The following SLC7A10 variants were observed in gnomAD, a reference collection of about 807,000 sequenced individuals.
The protein encoded by SLC7A10 is solute carrier family 7 member 10.
In SLC7A10, 30 loss-of-function variants were observed where a neutral mutation model predicts 52.7. The ratio of observed to expected loss-of-function variants is 0.57; its 90% CI spans 0.43 to 0.77. SLC7A10 has a LOEUF of 0.77. SLC7A10 is among the 30% of genes least tolerant of loss of function. The probability of loss-of-function intolerance (pLI) is 0.00; values close to 1 mark genes in which losing one functional copy is unlikely to be tolerated. For missense variants in SLC7A10, 581 were observed against 698.5 expected (o/e 0.83, Z 1.90); for synonymous variants, 318 against 314.9 (o/e 1.01, Z -0.10).
At chr19:33,211,070 G>A (rs1974538027) in intron 7 of SLC7A10, 155 bp downstream of exon 7, 1 of 962,222 alleles carries the variant, frequency 1.0e-6, no homozygotes, top group African/African-American at 1.6e-5. Flanking sequence ...CCTCCCAGTT[G>A]TGATCAGACA....
At position 33,211,311 on chromosome 19, in the gene SLC7A10, C is replaced by G. The variant is rs1176033980; in HGVS notation, c.930G>C (p.Leu310=). 2.5e-6 allele frequency: 4 copies of G among 1,613,958 alleles called. No homozygotes were observed. The Admixed American group carries it at 5.0e-5, about 20-fold the overall frequency. ...NAVAVTFGEK[L]LGYFSWVMPV... ...GCATGACCCAAGAAAAGTAGCCCAG[C>G]AGCTTCTCCCCGAAGGTCTGGGTGG... The change falls in exon 7 of 11, where the codon CTG becomes CTC. Residue 310 remains leucine, a synonymous_variant. Transcript: ENST00000253188.
Position 33,212,441 on chromosome 19 carries a change from G to T in SLC7A10, c.639C>A (p.His213Gln), listed in dbSNP as rs772165667. 10 of 1,613,942 alleles carry T rather than the reference G, an allele frequency of 6.2e-6. No homozygotes were observed. The South Asian group carries it at 1.1e-4, about 18-fold the overall frequency. ...GVGLLQIFQG[H>Q]FEELRPSNAF... ...CATTGCTGGGCCTCAGCTCCTCGAAGTGTCCTGGAGGCCCAGAAGTCGGGG... is the reference window on the plus strand; with the variant it reads ...CATTGCTGGGCCTCAGCTCCTCGAATTGTCCTGGAGGCCCAGAAGTCGGGG... The change falls in exon 5 of 11, where the codon CAC becomes CAA. Residue 213 changes from histidine (H) to glutamine (Q), a missense_variant. Coordinates refer to ENST00000253188, the MANE Select transcript of SLC7A10 (RefSeq NM_019849.3).
At position 33,210,808 on chromosome 19, in the gene SLC7A10, G is replaced by T; in HGVS notation, c.1107C>A (p.Leu369=). ...VRHCTPIPAL[L]VCCGATAVIM... ...CCCAGGTCCCCCAACTTACACAGAC[G>T]AGGAGGGCGGGGATGGGGGTGCAGT... Residue 369 remains leucine (L), a synonymous_variant, in exon 8 of 11, where the codon CTC becomes CTA. Coordinates refer to ENST00000253188, the MANE Select transcript of SLC7A10 (RefSeq NM_019849.3). This position sits in a 1 kb window ranked among gnomAD's most constrained non-coding sequence, Gnocchi z 5.6. The T allele has an allele frequency of 1.2e-6, 2 of 1,613,478 alleles. No homozygotes were observed. The highest frequency in any genetic ancestry group is 1.7e-6 in the Non-Finnish European group (2 of 1,179,992).
intron 1 of SLC7A10, chr19:33,219,789 T>C (rs8101891): frequency 0.91 from 138,851 of 152,524 alleles, 63,548 homozygotes; most frequent in Middle Eastern, 0.98. Flanking sequence ...AGGAAGCTCT[T>C]CCTGACCAGC....
At position 33,215,808 on chromosome 19, in the gene SLC7A10, T is replaced by C; in HGVS notation, c.317A>G (p.Asp106Gly). The C allele has an allele frequency of 6.3e-7, 1 of 1,575,152 alleles. No individual in the cohort carries two copies. Among genetic ancestry groups the C allele is most frequent in the Non-Finnish European group, 8.6e-7 (1 of 1,160,652 alleles). Residue 106 changes from aspartate (D) to glycine (G), a missense_variant, in exon 2 of 11, where the codon GAC becomes GGC. Physicochemically the swap from Asp to Gly is moderately conservative, Grantham distance 94. Transcript: ENST00000253188. ...LGVAIPKSGGDYAYVTEIFGG... is the reference protein window; with the variant it reads ...LGVAIPKSGGGYAYVTEIFGG... The stretch of plus-strand genomic sequence containing the variant: ...GAAGATCTCTGTGACGTAGGCGTAG[T>C]CCCCGCCAGACTTGGGGATGGCGAC...
chr19:33,220,802 C>G (rs984614270), intron 1 of SLC7A10: 10 of 152,356 alleles, frequency 6.6e-5, no homozygotes, highest in African/African-American at 2.2e-4. Flanking sequence ...GAATAAATGG[C>G]AAAACGTCCT....
At chr19:33,213,534 C>T (rs943871036) in intron 2 of SLC7A10, among the ~76,000 whole-genome samples, 2 of 152,158 alleles carry the variant, frequency 1.3e-5, no homozygotes, top group African/African-American at 2.4e-5. Context: ...GTGATCCACC[C>T]GCCTCGGCCT....
At position 33,211,554 on chromosome 19, in the gene SLC7A10, G is replaced by A. The variant is rs958150811; in HGVS notation, c.789-17C>T. 1 of 1,613,874 alleles carries A rather than the reference G, an allele frequency of 6.2e-7. No individual in the cohort carries two copies. The highest frequency in any genetic ancestry group is 1.3e-5 in the African/African-American group (1 of 74,922). ...GGTAGGTTCCTGGTGACAGGCAGTG[G>A]AGTGCGTCAGCGTCAGCTCCTGAGG... On this transcript the variant is annotated splice_polypyrimidine_tract_variant and intron_variant, in intron 5 of 10. Transcript: ENST00000253188.
At chr19:33,211,373 GGCCTGGGCAGGA>G in intron 6 of SLC7A10, 29 bp downstream of exon 6, 1 of 1,613,426 alleles carries the variant, frequency 6.2e-7, no homozygotes, top group Non-Finnish European at 8.5e-7. Context: ...CCGGGGCAGG[GGCCTGGGCAGGA>G]GCCAGGGACC....
In SLC7A10 at chr19:33,212,726, G is replaced by A. The variant is rs540217611; in HGVS notation, c.509-87C>T. 1.9e-5 allele frequency: 30 copies of A among 1,610,828 alleles called. No homozygotes were observed. The South Asian group carries it at 3.2e-4, about 17-fold the overall frequency. ...AGTCCAGCCCAGGCGGCCCGAGAATGGCATCCCCTATAGCAGCTGGAATTT... is the reference window on the plus strand; with the variant it reads ...AGTCCAGCCCAGGCGGCCCGAGAATAGCATCCCCTATAGCAGCTGGAATTT... On this transcript the variant is annotated intron_variant, in intron 3 of 10. Coordinates refer to ENST00000253188, the MANE Select transcript of SLC7A10 (RefSeq NM_019849.3).
chr19:33,211,610 G>C (rs1974556577), intron 5 of SLC7A10, 73 bp from the exon 6 acceptor site: 1 of 1,610,606 alleles, frequency 6.2e-7, no homozygotes, highest in African/African-American at 1.3e-5. Flanking sequence ...AGCCACGAGA[G>C]CAGCTCATAG....
chr19:33,210,592 G>A lies in SLC7A10; in HGVS notation c.1138C>T (p.Leu380Phe), dbSNP rs1450879428. ...ATGAGCGTGTACGTGTCGCCCACGA[G>A]CATGATGACGGCTGTGGCCCCGCAC... is the stretch of plus-strand genomic sequence containing the variant. ...VCCGATAVIM[L>F]VGDTYTLINY... Residue 380 changes from leucine to phenylalanine, a missense_variant, in exon 9 of 11, where the codon CTC becomes TTC. By Grantham distance (22) the Leu-to-Phe change is conservative (BLOSUM62 0). Transcript: ENST00000253188. The surrounding 1 kb of genome is among the most constrained non-coding windows in gnomAD (Gnocchi z 5.6). 1 of 1,611,928 alleles carries A rather than the reference G, an allele frequency of 6.2e-7. No homozygotes were observed. Among genetic ancestry groups the A allele is most frequent in the African/African-American group, 1.3e-5 (1 of 75,062 alleles).
At position 33,210,335 on chromosome 19, in the gene SLC7A10, G is replaced by T; in HGVS notation, c.1263+132C>A. ...TGAGGAATGGCTGCCTCAGTGCACA[G>T]AGAGCCCTGAGCAGGGCCCAACACT... On this transcript the variant is annotated intron_variant, in intron 9 of 10. Coordinates refer to ENST00000253188, the MANE Select transcript of SLC7A10 (RefSeq NM_019849.3). The surrounding 1 kb of genome is among the most constrained non-coding windows in gnomAD (Gnocchi z 5.6). 1 of 1,119,320 alleles carries T rather than the reference G, an allele frequency of 8.9e-7. No individual in the cohort carries two copies. Among genetic ancestry groups the T allele is most frequent in the Non-Finnish European group, 1.3e-6 (1 of 784,506 alleles). The allele number at this position is 1,119,320 out of a possible 1,614,324, so 69.3% of individuals were successfully genotyped here.
chr19:33,208,684 T>C lies in SLC7A10; in HGVS notation c.*207A>G, dbSNP rs1974460808. On this transcript the variant is annotated 3_prime_UTR_variant, in exon 11 of 11. Transcript: ENST00000253188. The surrounding 1 kb of genome is among the most constrained non-coding windows in gnomAD (Gnocchi z 4.7). The stretch of plus-strand genomic sequence containing the variant: ...CGAGCGAACAGCCAGCCCTGTTTAT[T>C]TATAGGCCTTTTCAGGAAGAGCTAG... The C allele has an allele frequency of 1.5e-6, 1 of 650,018 alleles. No individual in the cohort carries two copies. The highest frequency in any genetic ancestry group is 2.6e-6 in the Non-Finnish European group (1 of 382,110). 40.3% of individuals were successfully genotyped at this position (650,018 alleles called of 1,614,324 possible). A position where few individuals can be genotyped will look rare whatever the true frequency, so the allele number is the denominator to read the frequency against.
rs369989922 is a variant in SLC7A10, at chr19:33,213,019, C to T, written c.357-17G>A. On this transcript the variant is annotated splice_polypyrimidine_tract_variant and intron_variant, in intron 2 of 10. Transcript: ENST00000253188. ...AGCAGAAAGCTGGAAGGAGCAGGGGCGGGAGTGGCTCAAGCTGCCCAGAGC... is the reference window on the plus strand; with the variant it reads ...AGCAGAAAGCTGGAAGGAGCAGGGGTGGGAGTGGCTCAAGCTGCCCAGAGC... 16 of 1,581,794 alleles carry T rather than the reference C, an allele frequency of 1.0e-5. No homozygotes were observed. Among genetic ancestry groups the T allele is most frequent in the Non-Finnish European group, 1.1e-5 (13 of 1,164,316 alleles).
chr19:33,225,652 G>A lies in SLC7A10; in HGVS notation c.52C>T (p.Pro18Ser), dbSNP rs1208907687. Residue 18 changes from proline to serine, a missense_variant, in exon 1 of 11, where the codon CCC becomes TCC. By Grantham distance (74) the Pro-to-Ser change is moderately conservative (BLOSUM62 -1). Coordinates refer to ENST00000253188, the MANE Select transcript of SLC7A10 (RefSeq NM_019849.3). ...PSGRGNPRPA[P>S]SPSPVPGTVP... ...GTCCCTGGGACTGGGGAGGGCGAGG[G>A]CGCAGGCCTGGGGTTCCCGCGCCCG... The A allele has an allele frequency of 2.5e-6, 4 of 1,580,616 alleles. No homozygotes were observed. Among genetic ancestry groups the A allele is most frequent in the Non-Finnish European group, 3.4e-6 (4 of 1,172,906 alleles).
intron 2 of SLC7A10, 67 bp downstream of exon 2, chr19:33,215,702 C>A: frequency 6.7e-7 from 1 of 1,498,524 alleles, no homozygotes; most frequent in Non-Finnish European, 9.0e-7. Flanking sequence ...GAAACTGATG[C>A]CAGGGCTCAT....
chr19:33,224,454 C>T (rs1024760014), intron 1 of SLC7A10, among the ~76,000 whole-genome samples: 3 of 152,106 alleles, frequency 2.0e-5, no homozygotes, highest in African/African-American at 7.2e-5. Context: ...ATGTGAAGAG[C>T]TGCTAATGTG....
intron 1 of SLC7A10, chr19:33,220,895 C>A (rs1308894974): frequency 6.6e-6 from 1 of 152,280 alleles, no homozygotes; most frequent in East Asian, 1.9e-4. Flanking sequence ...ACAAATCCTT[C>A]GGCTCTCATC....
Sources: allele counts gnomAD v4.1 joint callset (sites outside exome capture counted in the v4.1 genomes callset), GRCh38; gene constraint gnomAD v4.1.1; non-coding constraint Gnocchi (gnomAD v3.1); transcripts MANE v1.5; gene names NCBI Gene and HGNC (gene_info 2026-07-23, HGNC 2026-07-21).